SGCG: variants seen among roughly 807,000 people sequenced by gnomAD.
SGCG encodes sarcoglycan gamma.
A neutral mutation model predicts 29.3 loss-of-function variants in SGCG; 26 were observed. That is an observed-to-expected ratio of 0.89 (90% confidence interval 0.65 to 1.23). The LOEUF is 1.23. SGCG is among the 50% of genes most tolerant of loss of function. The pLI is 0.00. For synonymous variants in SGCG, 145 were observed against 129.7 expected, an observed-to-expected ratio of 1.12 and a Z score of -0.80; for missense variants, 353 against 356.0, an observed-to-expected ratio of 0.99 and a Z score of 0.07.
Position 23,250,639 on chromosome 13 carries a change from C to G in SGCG, c.307C>G (p.Leu103Val), listed in dbSNP as rs754191351. ...KEIHSRVDSS[L>V]LLQSTQNVTV... ...ATAAATCTCTTTCTAGGACTCATCT[C>G]TGCTTCTACAATCAACCCAGAATGT... The change falls in exon 4 of 8, where the codon CTG becomes GTG. Residue 103 changes from leucine to valine, a missense_variant. Transcript: ENST00000218867. 3 of 1,603,304 alleles carry G rather than the reference C, an allele frequency of 1.9e-6. No homozygotes were observed. The highest frequency in any genetic ancestry group is 2.6e-6 in the Non-Finnish European group (3 of 1,170,466).
intron 1 of SGCG, among the ~76,000 whole-genome samples, chr13:23,202,943 T>G (rs1260399206): frequency 6.6e-6 from 1 of 152,066 alleles, no homozygotes; most frequent in Non-Finnish European, 1.5e-5. Flanking sequence ...AATGAATAAT[T>G]TTTTAAGTTT....
At chr13:23,283,416 T>C (rs1389345015) in intron 5 of SGCG, among the ~76,000 whole-genome samples, 1 of 152,248 alleles carries the variant, frequency 6.6e-6, no homozygotes, top group African/African-American at 2.4e-5. Flanking sequence ...TAAAGTCTAT[T>C]TTATCAGAGA....
chr13:23,246,861 C>T, intron 3 of SGCG: 1 of 162,102 alleles, frequency 6.2e-6, no homozygotes, highest in Non-Finnish European at 1.4e-5. Context: ...GATGTACCAG[C>T]ATTGCTTCAC....
chr13:23,204,580 CTCTTTCTTTTCTTTCTTT>C (rs71668291), intron 2 of SGCG, among the ~76,000 whole-genome samples: 9,649 of 132,014 alleles, frequency 0.073, 416 homozygotes, highest in Middle Eastern at 0.19. Context: ...TATGCACAGG[CTCTTTCTTTTCTTTCTTT>C]TCTTTCTTTT....
chr13:23,262,984 C>A (rs1467945600), intron 4 of SGCG, among the ~76,000 whole-genome samples: 1 of 151,828 alleles, frequency 6.6e-6, no homozygotes, highest in East Asian at 1.9e-4. Flanking sequence ...TTATCAGAAC[C>A]TCTGGGATAT....
intron 2 of SGCG, among the ~76,000 whole-genome samples, chr13:23,210,971 A>T (rs1306188366): frequency 6.6e-6 from 1 of 152,150 alleles, no homozygotes; most frequent in East Asian, 1.9e-4. Flanking sequence ...ATAAATACAA[A>T]TTTTTCCCCA....
chr13:23,243,531 G>T (rs1879588106), intron 3 of SGCG: 2 of 152,282 alleles, frequency 1.3e-5, no homozygotes, highest in Non-Finnish European at 1.5e-5. Context: ...AGCAGAAAAA[G>T]AAAAGGGTTT....
At chr13:23,254,959 G>A (rs572255883) in intron 4 of SGCG, among the ~76,000 whole-genome samples, 144 of 152,340 alleles carry the variant, frequency 9.5e-4, no homozygotes, top group African/African-American at 2.9e-3. Context: ...CAGAAGACGT[G>A]TAGAAAAGCC....
intron 2 of SGCG, among the ~76,000 whole-genome samples, chr13:23,223,790 A>T (rs4238167): frequency 4.6e-5 from 7 of 151,554 alleles, no homozygotes; most frequent in Non-Finnish European, 1.0e-4. Flanking sequence ...ACATGGTGAA[A>T]CCCCGTCTCT....
chr13:23,299,425 TATATATATATATATATATATATA>T (rs1361178249), intron 6 of SGCG, among the ~76,000 whole-genome samples: 7 of 6,116 alleles, frequency 1.1e-3, no homozygotes, highest in South Asian at 6.6e-3. Flanking sequence ...TATATATATA[TATATATATATATATATATATATA>T]TATATATATT....
At chr13:23,291,644 T>C (rs1881708198) in intron 5 of SGCG, among the ~76,000 whole-genome samples, 1 of 152,200 alleles carries the variant, frequency 6.6e-6, no homozygotes, top group Middle Eastern at 3.2e-3. Flanking sequence ...AGTTTATAGA[T>C]TTTATATCTC....
intron 7 of SGCG, 119 bp downstream of exon 7, chr13:23,320,879 C>T: frequency 2.9e-6 from 3 of 1,037,984 alleles, no homozygotes; most frequent in South Asian, 1.3e-5. Context: ...TTGTGAAGGT[C>T]ATAGAGTAGC....
intron 4 of SGCG, among the ~76,000 whole-genome samples, chr13:23,252,588 G>A (rs1880012850): frequency 6.6e-6 from 1 of 152,080 alleles, no homozygotes; most frequent in Non-Finnish European, 1.5e-5. Flanking sequence ...CTACTTGGGC[G>A]GCTGAGGCAG....
At chr13:23,175,181 A>C in the SGCG span, among the ~76,000 whole-genome samples, 1 of 152,230 alleles carries the variant, frequency 6.6e-6, no homozygotes, top group African/African-American at 2.4e-5. Context: ...CAAATTGGAT[A>C]GATCATGTCT....
the SGCG span, among the ~76,000 whole-genome samples, chr13:23,161,694 TC>T: frequency 6.6e-6 from 1 of 152,236 alleles, no homozygotes; most frequent in Non-Finnish European, 1.5e-5. Context: ...TATTAAAACT[TC>T]CTTTCATGAC....
chr13:23,231,636 G>T (rs1364177692), intron 2 of SGCG, among the ~76,000 whole-genome samples: 1 of 152,082 alleles, frequency 6.6e-6, no homozygotes, highest in Non-Finnish European at 1.5e-5. Flanking sequence ...GGAAATGTTT[G>T]CTTTAAAAAG....
At chr13:23,181,565 A>G (rs750773296) in intron 1 of SGCG, among the ~76,000 whole-genome samples, 1 of 152,242 alleles carries the variant, frequency 6.6e-6, no homozygotes, top group Admixed American at 6.5e-5. Context: ...AAATAAACAA[A>G]ACAAGAGCAA....
chr13:23,282,179 T>A (rs1881330974), intron 5 of SGCG, among the ~76,000 whole-genome samples: 1 of 152,210 alleles, frequency 6.6e-6, no homozygotes, highest in African/African-American at 2.4e-5. Flanking sequence ...TTCTCAATTT[T>A]CCAGTATGTT....
chr13:23,304,966 G>A (rs1593101640), intron 6 of SGCG, among the ~76,000 whole-genome samples: 2 of 121,390 alleles, frequency 1.6e-5, no homozygotes, highest in Admixed American at 1.7e-4. Flanking sequence ...CGTGCTCACA[G>A]GCTTGCACGT....
Sources: allele counts gnomAD v4.1 joint callset (sites outside exome capture counted in the v4.1 genomes callset), GRCh38; gene constraint gnomAD v4.1.1; transcripts MANE v1.5; gene names NCBI Gene and HGNC (gene_info 2026-07-23, HGNC 2026-07-21).